The following PDE4D variants were observed in gnomAD, a reference collection of about 807,000 sequenced individuals.
The protein encoded by PDE4D is 3',5'-cyclic-AMP phosphodiesterase 4D.
PDE4D carries 24 observed loss-of-function variants against 87.4 expected under a neutral mutation model. The observed-to-expected ratio is 0.27, with a 90% CI of 0.20 to 0.39. The LOEUF (loss-of-function observed/expected upper bound fraction) is 0.39, where lower values mean the gene tolerates loss of function less well. Ranked by LOEUF, PDE4D falls within the 10% of genes least tolerant of loss-of-function variation. PDE4D has a pLI of 1.00. For missense variants in PDE4D, 714 were observed against 1,041.0 expected, an observed-to-expected ratio of 0.69 and a Z score of 4.32; for synonymous variants, 384 against 383.2, an observed-to-expected ratio of 1.00 and a Z score of -0.02.
At position 59,574,027 on chromosome 5, in the gene PDE4D, T is replaced by A. The variant is rs1199950546; in HGVS notation, c.455+319141A>T. Among the ~76,000 whole-genome samples, 901 of 120,008 alleles carry A rather than the reference T, an allele frequency of 7.5e-3. 14 individuals are homozygous for A. Among genetic ancestry groups the A allele is most frequent in the African/African-American group, 0.01 (296 of 29,026 alleles). The allele number at this position is 120,008 out of a possible 152,430, so 78.7% of individuals were successfully genotyped here. ...AAAAATATATATATATATATATATATAAAAATATATATTTATATATATTTA... is the reference window on the plus strand; with the variant it reads ...AAAAATATATATATATATATATATAAAAAAATATATATTTATATATATTTA... On this transcript the variant is annotated intron_variant, in intron 1 of 14. Coordinates refer to ENST00000340635, the MANE Select transcript of PDE4D (RefSeq NM_001104631.2).
At chr5:59,412,884 C>T (rs575047334) in intron 1 of PDE4D, among the ~76,000 whole-genome samples, 12 of 152,202 alleles carry the variant, frequency 7.9e-5, no homozygotes, top group Admixed American at 2.0e-4. Flanking sequence ...ATAATTTATC[C>T]GAAGTCTTCT....
chr5:59,765,310 G>A (rs1185285966), intron 1 of PDE4D, among the ~76,000 whole-genome samples: 5 of 152,216 alleles, frequency 3.3e-5, no homozygotes, highest in African/African-American at 1.2e-4. Flanking sequence ...AAGGAGGTTT[G>A]ACGAGAGGTT....
intron 1 of PDE4D, among the ~76,000 whole-genome samples, chr5:59,595,771 G>T (rs183505068): frequency 1.1e-3 from 160 of 152,070 alleles, no homozygotes; most frequent in Non-Finnish European, 1.6e-3. Context: ...CTTTAGTTTT[G>T]ATCCACCTTT....
At chr5:59,802,787 TAAGGATGA>T (rs1470191092) in intron 1 of PDE4D, among the ~76,000 whole-genome samples, 1 of 152,090 alleles carries the variant, frequency 6.6e-6, no homozygotes. Context: ...GCAGGGGCTA[TAAGGATGA>T]AATCAATGGG....
chr5:59,887,539 G>A (rs1750350506), intron 1 of PDE4D, among the ~76,000 whole-genome samples: 1 of 152,174 alleles, frequency 6.6e-6, no homozygotes, highest in Admixed American at 6.5e-5. Flanking sequence ...TGGATAATAA[G>A]CTGTGAGAGG....
chr5:59,854,175 G>A (rs143360873), intron 1 of PDE4D, among the ~76,000 whole-genome samples: 4 of 152,070 alleles, frequency 2.6e-5, no homozygotes, highest in African/African-American at 4.8e-5. Context: ...GGTTATGAGC[G>A]CTTTCTCATT....
chr5:59,824,234 T>G (rs1770048931), intron 1 of PDE4D, among the ~76,000 whole-genome samples: 1 of 152,194 alleles, frequency 6.6e-6, no homozygotes, highest in African/African-American at 2.4e-5. Flanking sequence ...ATTTTATTAA[T>G]GAGATATTTT....
chr5:59,461,194 T>G (rs556163157), intron 1 of PDE4D, among the ~76,000 whole-genome samples: 1 of 152,258 alleles, frequency 6.6e-6, no homozygotes, highest in South Asian at 2.1e-4. Context: ...AAAAAAAAGT[T>G]TGTTTAAAAG....
At chr5:60,110,726 T>C (rs1308445029) in intron 2 of PDE4D, among the ~76,000 whole-genome samples, 2 of 152,032 alleles carry the variant, frequency 1.3e-5, no homozygotes, top group South Asian at 2.1e-4. Context: ...GCACTACTTA[T>C]AACAGCTAAG....
At chr5:60,039,607 A>T (rs901741915) in intron 2 of PDE4D, among the ~76,000 whole-genome samples, 1 of 150,610 alleles carries the variant, frequency 6.6e-6, no homozygotes, top group Non-Finnish European at 1.5e-5. Flanking sequence ...AAAAAAAATA[A>T]AAAAAATAAA....
chr5:60,430,115 T>G (rs763443949), intron 1 of PDE4D: 47 of 525,048 alleles, frequency 9.0e-5, no homozygotes, highest in Non-Finnish European at 1.3e-4. Context: ...CCCATCTCCT[T>G]CAGGGCAAGT....
chr5:59,511,126 A>G (rs1293016176), intron 1 of PDE4D, among the ~76,000 whole-genome samples: 1 of 151,956 alleles, frequency 6.6e-6, no homozygotes, highest in Non-Finnish European at 1.5e-5. Flanking sequence ...AGATTATTTT[A>G]GTAAAATAAA....
intron 1 of PDE4D, among the ~76,000 whole-genome samples, chr5:60,344,173 T>G (rs1758544012): frequency 6.6e-6 from 1 of 152,106 alleles, no homozygotes; most frequent in Admixed American, 6.6e-5. Context: ...TAGAAGTATA[T>G]GAAAAGGCTC....
chr5:59,293,663 T>C (rs1050809369), intron 1 of PDE4D, among the ~76,000 whole-genome samples: 2 of 152,164 alleles, frequency 1.3e-5, no homozygotes, highest in Non-Finnish European at 2.9e-5. Flanking sequence ...ATGCATTTTT[T>C]CTCCATTGCG....
chr5:59,354,064 T>G (rs1485272533), intron 1 of PDE4D, among the ~76,000 whole-genome samples: 1 of 152,108 alleles, frequency 6.6e-6, no homozygotes, highest in Non-Finnish European at 1.5e-5. Flanking sequence ...GGAAAAATAT[T>G]CCAGTTAAAG....
intron 1 of PDE4D, among the ~76,000 whole-genome samples, chr5:59,350,903 C>T (rs1780427054): frequency 6.6e-6 from 1 of 152,176 alleles, no homozygotes; most frequent in African/African-American, 2.4e-5. Flanking sequence ...TCAATCATTC[C>T]TGCACACTAC....
chr5:59,091,055 C>T (rs1314816269), intron 5 of PDE4D: 3 of 441,962 alleles, frequency 6.8e-6, no homozygotes, highest in South Asian at 4.9e-5. Context: ...ATTCAAATAT[C>T]TACTAAACAT....
chr5:60,376,281 G>T (rs1452215748), intron 1 of PDE4D, among the ~76,000 whole-genome samples: 1 of 152,106 alleles, frequency 6.6e-6, no homozygotes, highest in Non-Finnish European at 1.5e-5. Flanking sequence ...AAGCATCATT[G>T]TTATCATCAT....
intron 1 of PDE4D, among the ~76,000 whole-genome samples, chr5:59,793,017 C>T (rs1347776045): frequency 1.3e-5 from 2 of 152,204 alleles, no homozygotes; most frequent in Non-Finnish European, 2.9e-5. Context: ...GAAGAGTCAG[C>T]TTACACCCAT....
Sources: allele counts gnomAD v4.1 joint callset (sites outside exome capture counted in the v4.1 genomes callset), GRCh38; gene constraint gnomAD v4.1.1; transcripts MANE v1.5; gene names NCBI Gene and HGNC (gene_info 2026-07-23, HGNC 2026-07-21).